Variants in TANGO6 observed in about 807,000 individuals in gnomAD.
The protein encoded by TANGO6 is transport and golgi organization 6 homolog, also known as transport and Golgi organization protein 6 homolog.
TANGO6 carries 90 observed loss-of-function variants against 114.2 expected under a neutral mutation model. That is an observed-to-expected ratio of 0.79 (90% CI 0.66 to 0.94). TANGO6 has a LOEUF of 0.94. Among genes scored for constraint, TANGO6 ranks in the 40% least tolerant of loss-of-function variants. The pLI is 0.00. For synonymous variants in TANGO6, 477 were observed against 509.8 expected (o/e 0.94, Z 0.87); for missense variants, 1,274 against 1,315.3 (o/e 0.97, Z 0.49).
chr16:68,958,231 G>A lies in TANGO6; in HGVS notation c.2702-15797G>A, dbSNP rs538693389. ...GTATGAGCCGGGTGCAGTCACTCGC[G>A]CCTGTAATCCCAGCACTTTGAGAGG... On this transcript the variant is annotated intron_variant, in intron 14 of 17. Transcript: ENST00000261778. Among the ~76,000 whole-genome samples, 9 of 151,348 alleles carry A rather than the reference G, an allele frequency of 5.9e-5. No homozygotes were observed. The South Asian group carries it at 8.4e-4, about 14-fold the overall frequency.
At chr16:68,891,638 A>G (rs1191313453) in intron 7 of TANGO6, among the ~76,000 whole-genome samples, 1 of 152,014 alleles carries the variant, frequency 6.6e-6, no homozygotes. Flanking sequence ...GAAAAATTCC[A>G]TCCTCCAGAT....
chr16:69,018,395 G>A (rs1278832739), intron 15 of TANGO6, among the ~76,000 whole-genome samples: 1 of 149,514 alleles, frequency 6.7e-6, no homozygotes, highest in Admixed American at 6.7e-5. Flanking sequence ...TGATCTGCCC[G>A]CCTCGGCCTC....
At chr16:68,999,066 A>G (rs909446480) in intron 15 of TANGO6, among the ~76,000 whole-genome samples, 1 of 151,936 alleles carries the variant, frequency 6.6e-6, no homozygotes, top group Non-Finnish European at 1.5e-5. Flanking sequence ...TATTTTTTAG[A>G]AAAGACAGGG....
At chr16:68,887,322 G>A (rs1370576509) in intron 7 of TANGO6, among the ~76,000 whole-genome samples, 1 of 152,214 alleles carries the variant, frequency 6.6e-6, no homozygotes, top group Non-Finnish European at 1.5e-5. Context: ...ACTAGCTGCA[G>A]AGCAGCCCGT....
At chr16:68,862,027 T>A (rs541947742) in intron 2 of TANGO6, among the ~76,000 whole-genome samples, 4,732 of 151,948 alleles carry the variant, frequency 0.031, 241 homozygotes, top group African/African-American at 0.11. Context: ...TTTTTAATTT[T>A]TTTTTTATTT....
At chr16:68,960,348 G>A (rs1418635024) in intron 14 of TANGO6, among the ~76,000 whole-genome samples, 1 of 142,860 alleles carries the variant, frequency 7.0e-6, no homozygotes, top group African/African-American at 2.6e-5. Context: ...TCATCATGGT[G>A]TTCTTAAGGC....
intron 16 of TANGO6, among the ~76,000 whole-genome samples, chr16:69,030,490 G>C (rs1959576182): frequency 6.6e-6 from 1 of 152,010 alleles, no homozygotes; most frequent in South Asian, 2.1e-4. Context: ...GAGATGGCCT[G>C]ACATGTTTAG....
intron 14 of TANGO6, among the ~76,000 whole-genome samples, chr16:68,966,766 G>T (rs1031807384): frequency 6.8e-6 from 1 of 148,054 alleles, no homozygotes; most frequent in Non-Finnish European, 1.5e-5. Context: ...ACCATGTCTG[G>T]CTAATTTTTT....
Position 68,927,851 on chromosome 16 carries a change from C to T in TANGO6, c.2411C>T (p.Ala804Val). Reference protein sequence around the residue: ...HLEQQQSHETAPQTGLQSNAP... With the variant: ...HLEQQQSHETVPQTGLQSNAP... ...GAACAACAGCAGAGCCATGAGACAG[C>T]CCCCCAGACAGGCCTGCAGTCAAAT... The change falls in exon 13 of 18, where the codon GCC becomes GTC. Residue 804 changes from alanine to valine, a missense_variant. Physicochemically the swap from Ala to Val is moderately conservative, Grantham distance 64 (BLOSUM62 0). Coordinates refer to ENST00000261778, the MANE Select transcript of TANGO6 (RefSeq NM_024562.2). The T allele has an allele frequency of 6.2e-7, 1 of 1,613,960 alleles. No homozygotes were observed. The highest frequency in any genetic ancestry group is 8.5e-7 in the Non-Finnish European group (1 of 1,179,868).
At chr16:68,911,415 C>CCTTTTTT (rs1567537968) in intron 11 of TANGO6, among the ~76,000 whole-genome samples, 1 of 133,622 alleles carries the variant, frequency 7.5e-6, no homozygotes, top group Non-Finnish European at 1.6e-5. Flanking sequence ...TTTATAGTTT[C>CCTTTTTT]TTTTTTTTTT....
chr16:69,036,044 A>G (rs1233080379), intron 16 of TANGO6: 1 of 146,892 alleles, frequency 6.8e-6, no homozygotes, highest in Admixed American at 6.8e-5. Flanking sequence ...CTCTGCCTCA[A>G]AAAAAAAAAA....
In TANGO6 at chr16:68,886,882, A is replaced by G. The variant is rs774997971; in HGVS notation, c.1377+6252A>G. Among the ~76,000 whole-genome samples the G allele has an allele frequency of 2.1e-4, 32 of 151,594 alleles. No individual in the cohort carries two copies. In the Middle Eastern group the frequency reaches 0.014, roughly 65 times the overall value. On this transcript the variant is annotated intron_variant, in intron 7 of 17. Coordinates refer to ENST00000261778, the MANE Select transcript of TANGO6 (RefSeq NM_024562.2). ...GAGTGCAGTTGTGCGATCTCAGCTT[A>G]CTGCAACCTCTGCCTCCAAGGTTCA... is the stretch of plus-strand genomic sequence containing the variant.
chr16:68,891,549 G>A (rs370316986), intron 7 of TANGO6, among the ~76,000 whole-genome samples: 1 of 152,092 alleles, frequency 6.6e-6, no homozygotes, highest in Non-Finnish European at 1.5e-5. Flanking sequence ...ACAGAAACAC[G>A]TTTATTCTTA....
At chr16:69,034,897 CT>C in intron 16 of TANGO6, 1 of 82,412 alleles carries the variant, frequency 1.2e-5, no homozygotes, top group East Asian at 3.1e-4. Flanking sequence ...TTTCCTTGTT[CT>C]TGTCAAAGGC....
At chr16:68,899,324 A>G (rs1962752913) in intron 7 of TANGO6, among the ~76,000 whole-genome samples, 1 of 152,116 alleles carries the variant, frequency 6.6e-6, no homozygotes, top group Admixed American at 6.6e-5. Flanking sequence ...CACAAGCAAT[A>G]TGAAGGATTA....
chr16:68,918,657 A>C (rs1423532236), intron 11 of TANGO6, among the ~76,000 whole-genome samples: 4 of 152,262 alleles, frequency 2.6e-5, no homozygotes, highest in Admixed American at 2.6e-4. Flanking sequence ...CCTTAAACAA[A>C]CAACCTTTTA....
chr16:68,947,587 CT>C (rs1231636901), intron 14 of TANGO6, among the ~76,000 whole-genome samples: 2,608 of 118,422 alleles, frequency 0.022, 19 homozygotes, highest in African/African-American at 0.085. Context: ...TAACCCATCT[CT>C]TTTTTTTTTT....
chr16:68,878,017 G>T, intron 5 of TANGO6, 101 bp from the exon 6 acceptor site: 1 of 1,003,332 alleles, frequency 1.0e-6, no homozygotes. Flanking sequence ...TTATTGAGGT[G>T]AATTTATTTT....
chr16:68,852,658 C>T (rs1188340711), intron 1 of TANGO6, among the ~76,000 whole-genome samples: 1 of 151,906 alleles, frequency 6.6e-6, no homozygotes, highest in Non-Finnish European at 1.5e-5. Context: ...AGTGAGACCC[C>T]CACATCTCTA....
Sources: gnomAD v4.1 joint callset for allele counts (sites outside exome capture counted in the v4.1 genomes callset) on GRCh38, gnomAD v4.1.1 for gene constraint, MANE v1.5 for transcripts, NCBI Gene and HGNC (gene_info 2026-07-23, HGNC 2026-07-21) for gene names.